Variants in DNAH1 observed in about 807,000 individuals in gnomAD.
The protein encoded by DNAH1 is axonemal beta dynein heavy chain 1.
DNAH1 carries 327 observed loss-of-function variants against 484.3 expected under a neutral mutation model. The observed-to-expected ratio is 0.68, with a 90% CI of 0.62 to 0.74. DNAH1 has a LOEUF of 0.74. DNAH1 is among the 30% of genes least tolerant of loss of function. The pLI, the probability that DNAH1 is intolerant of heterozygous loss-of-function variation, is 0.00. For missense variants in DNAH1, 5,052 were observed against 5,546.8 expected (o/e 0.91, Z 2.83); for synonymous variants, 2,192 against 2,191.9 (o/e 1.00, Z 0.00).
rs115799675 is a variant in DNAH1, at chr3:52,332,405, G to C, written c.1286+11G>C. ...GCGCAAAGGCCCCTCGTGAGTCCCC[G>C]CTCGGCCTTCCCTATTCTGGGCATC... On this transcript the variant is annotated intron_variant, in intron 8 of 77. Coordinates refer to ENST00000420323, the MANE Select transcript of DNAH1 (RefSeq NM_015512.5). 6.2e-7 allele frequency: 1 copy of C among 1,609,538 alleles called. No homozygotes were observed. The highest frequency in any genetic ancestry group is 8.5e-7 in the Non-Finnish European group (1 of 1,178,698).
At position 52,353,045 on chromosome 3, in the gene DNAH1, G is replaced by A; in HGVS notation, c.3028-58G>A. On this transcript the variant is annotated intron_variant, in intron 18 of 77. Transcript: ENST00000420323. The surrounding 1 kb of genome is among the most constrained non-coding windows in gnomAD (Gnocchi z 5.0). ...GACCTGGCCCAAGAAGGGGCAACAT[G>A]GAGAGAGACTGGGAAGTGTCCCAAG... is the stretch of plus-strand genomic sequence containing the variant. The A allele has an allele frequency of 5.2e-6, 8 of 1,526,662 alleles. No individual in the cohort carries two copies. In the South Asian group the frequency reaches 8.7e-5, roughly 17 times the overall value. The allele number at this position is 1,526,662 out of a possible 1,614,324, so 94.6% of individuals were successfully genotyped here.
rs1704523416 is a variant in DNAH1, at chr3:52,394,349, G to T, written c.10627-116G>T. The T allele has an allele frequency of 3.4e-5, 34 of 992,538 alleles. No homozygotes were observed. The South Asian group carries it at 4.1e-4, about 12-fold the overall frequency. 61.5% of individuals were successfully genotyped at this position (992,538 alleles called of 1,614,324 possible). ...AGACCTGTTTGACTACCATCCCCAA[G>T]GGAGACTCAGTTTCTCCAGGTGAGG... On this transcript the variant is annotated intron_variant, in intron 66 of 77. Coordinates refer to ENST00000420323, the MANE Select transcript of DNAH1 (RefSeq NM_015512.5).
chr3:52,328,863 G>A (rs9845752), intron 6 of DNAH1, among the ~76,000 whole-genome samples: 1,727 of 152,334 alleles, frequency 0.011, 35 homozygotes, highest in African/African-American at 0.039. Context: ...TCCCCACCTG[G>A]TGGGTGGACA....
In DNAH1 at chr3:52,392,436, C is replaced by G. The variant is rs777470388; in HGVS notation, c.10053-28C>G. 4 of 1,604,484 alleles carry G rather than the reference C, an allele frequency of 2.5e-6. No individual in the cohort carries two copies. The Admixed American group carries it at 6.7e-5, about 27-fold the overall frequency. ...GCCCTCCGGGGCCCACCAGGTATTA[C>G]AGACTTGGTGTCCCCTGCCCCCGGC... On this transcript the variant is annotated intron_variant, in intron 63 of 77. Transcript: ENST00000420323.
At chr3:52,382,003 G>A (rs776131647) in intron 49 of DNAH1, among the ~76,000 whole-genome samples, 167 bp downstream of exon 49, 1 of 152,234 alleles carries the variant, frequency 6.6e-6, no homozygotes, top group Non-Finnish European at 1.5e-5. Context: ...GCTCCAGGGA[G>A]AGGCAGCAGC....
chr3:52,331,644 A>AGATGGAG lies in DNAH1; in HGVS notation c.1033+336_1033+342dup, dbSNP rs1246811898. On this transcript the variant is annotated intron_variant, in intron 7 of 77. Transcript: ENST00000420323. ...CTTTTTTTTTTTTTTTTTTTTTTTG[A>AGATGGAG]GATGGAGTCTGGCTCTGTCACCCAG... Among the ~76,000 whole-genome samples, 4 of 77,802 alleles carry AGATGGAG rather than the reference A, an allele frequency of 5.1e-5. No homozygotes were observed. In the Admixed American group the frequency reaches 7.3e-4, roughly 14 times the overall value. 51.0% of individuals were successfully genotyped at this position (77,802 alleles called of 152,430 possible). A position where few individuals can be genotyped will look rare whatever the true frequency, so the allele number is the denominator to read the frequency against.
chr3:52,349,112 G>C (rs773352471), intron 13 of DNAH1, 31 bp downstream of exon 13: 1 of 1,612,712 alleles, frequency 6.2e-7, no homozygotes, highest in Non-Finnish European at 8.5e-7. Context: ...ACGTCGGAGG[G>C]TGTCTGTGTG....
Position 52,392,947 on chromosome 3 carries a change from G to A in DNAH1, c.10396G>A (p.Val3466Met), listed in dbSNP as rs542699983. Residue 3466 changes from valine to methionine, a missense_variant, in exon 65 of 78, where the codon GTG becomes ATG. By Grantham distance (21) the Val-to-Met change is conservative. This residue lies in a region of DNAH1 where 2,929 missense variants were observed against 3,409.4 expected (regional missense o/e 0.86). Transcript: ENST00000420323. ...LFFCVSDLAN[V>M]DPMYQYSLEW... ...CTTCTGTGTGTCCGACCTGGCCAAC[G>A]TGGACCCCATGTACCAGTACTCCCT... The A allele has an allele frequency of 9.3e-6, 15 of 1,613,612 alleles. No individual in the cohort carries two copies. In the African/African-American group the frequency reaches 9.3e-5, roughly 10 times the overall value.
chr3:52,381,835 A>C lies in DNAH1; in HGVS notation c.7804A>C (p.Met2602Leu), dbSNP rs1461371514. 2 of 1,587,988 alleles carry C rather than the reference A, an allele frequency of 1.3e-6. No homozygotes were observed. The highest frequency in any genetic ancestry group is 8.6e-7 in the Non-Finnish European group (1 of 1,167,524). Residue 2602 changes from methionine (M) to leucine (L), a missense_variant and splice_region_variant, in exon 49 of 78, where the codon ATG becomes CTG. Around this residue, in one of 4 missense-constraint regions of DNAH1, gnomAD observed 2,929 missense variants for 3,409.4 expected, o/e 0.86. Transcript: ENST00000420323. This position sits in a 1 kb window ranked among gnomAD's most constrained non-coding sequence, Gnocchi z 4.1. Reference sequence around the variant, plus strand: ...CTCCCTCACAAGGCTCGCCTCGCACATGTGAGCGCCTCCAGGGCGTGCTGG... The same window carrying C: ...CTCCCTCACAAGGCTCGCCTCGCACCTGTGAGCGCCTCCAGGGCGTGCTGG... ...RSSLTRLASH[M>L]AEYECFQIEL...
chr3:52,332,769 C>T (rs1701602862), intron 8 of DNAH1, among the ~76,000 whole-genome samples: 1 of 152,182 alleles, frequency 6.6e-6, no homozygotes, highest in Non-Finnish European at 1.5e-5. Flanking sequence ...CAAGATGCCC[C>T]TAAGATAACT....
At position 52,358,330 on chromosome 3, in the gene DNAH1, T is replaced by G. The variant is rs1232635392; in HGVS notation, c.4087-228T>G. On this transcript the variant is annotated intron_variant, in intron 24 of 77. Transcript: ENST00000420323. The surrounding 1 kb of genome is among the most constrained non-coding windows in gnomAD (Gnocchi z 4.2). ...ATGCAAGGCAGTCAGCCTCCTTCCC[T>G]AAAGCCTGCTTCATGCCGGGCCTGG... Among the ~76,000 whole-genome samples, 1 of 152,134 alleles carries G rather than the reference T, an allele frequency of 6.6e-6. No individual in the cohort carries two copies. Among genetic ancestry groups the G allele is most frequent in the Non-Finnish European group, 1.5e-5 (1 of 68,022 alleles).
At chr3:52,370,677 A>C (rs1295468845) in intron 40 of DNAH1, 41 bp from the exon 41 acceptor site, 2 of 1,598,430 alleles carry the variant, frequency 1.3e-6, no homozygotes, top group East Asian at 2.3e-5. Context: ...CCTCAGTCCT[A>C]CTGGGCCTCA....
intron 76 of DNAH1, 150 bp from the exon 77 acceptor site, chr3:52,399,395 C>T: frequency 2.2e-6 from 2 of 920,702 alleles, no homozygotes; most frequent in Non-Finnish European, 3.3e-6. Context: ...GGGCAGGGCA[C>T]AGACCACAGG....
Position 52,396,490 on chromosome 3 carries a change from G to C in DNAH1, c.11382G>C (p.Leu3794=), listed in dbSNP as rs1188949979. The part of the protein sequence containing the change: ...EPPRGVRANL[L]KSYSSLGEDF... The stretch of plus-strand genomic sequence containing the variant: ...CACGCGGTGTCAGGGCCAACCTGCT[G>C]AAGTCCTATAGTAGCCTTGGTGAAG... The change falls in exon 71 of 78, where the codon CTG becomes CTC. Residue 3794 remains leucine (L), a synonymous_variant. Coordinates refer to ENST00000420323, the MANE Select transcript of DNAH1 (RefSeq NM_015512.5). The C allele has an allele frequency of 1.2e-6, 2 of 1,608,624 alleles. No homozygotes were observed. Among genetic ancestry groups the C allele is most frequent in the Admixed American group, 3.4e-5 (2 of 59,216 alleles).
At chr3:52,373,724 T>C (rs1703459358) in intron 44 of DNAH1, 1 of 1,383,312 alleles carries the variant, frequency 7.2e-7, no homozygotes, top group Non-Finnish European at 1.0e-6. Context: ...TTTTTGACTT[T>C]GTTTCTGATC....
chr3:52,338,335 C>T (rs995777153), intron 8 of DNAH1, among the ~76,000 whole-genome samples: 7 of 152,294 alleles, frequency 4.6e-5, no homozygotes, highest in Non-Finnish European at 1.0e-4. Flanking sequence ...TTTCGAACTC[C>T]TGACCTCAAA....
chr3:52,329,172 A>C (rs1701453613), intron 6 of DNAH1, among the ~76,000 whole-genome samples: 3 of 152,282 alleles, frequency 2.0e-5, no homozygotes, highest in African/African-American at 7.2e-5. Context: ...TAAATGCACC[A>C]AGTAGCAGCC....
rs891103217 is a variant in DNAH1 at position 52,344,572 on chromosome 3, G to A, written c.1369G>A (p.Val457Ile). 8 of 1,613,880 alleles carry A rather than the reference G, an allele frequency of 5.0e-6. No individual in the cohort carries two copies. Among genetic ancestry groups the A allele is most frequent in the African/African-American group, 1.3e-5 (1 of 74,932 alleles). The change falls in exon 9 of 78, where the codon GTT (valine) becomes ATT (isoleucine). Residue 457 changes from valine (V) to isoleucine (I), a missense_variant. Val to Ile is a conservative substitution (Grantham distance 29, BLOSUM62 3). Coordinates refer to ENST00000420323, the MANE Select transcript of DNAH1 (RefSeq NM_015512.5). ...RSMNKINFDH[V>I]VSSKPETFSY... ...CATGAACAAGATCAACTTTGACCACGTTGTCTCTTCCAAGCCCGAGACCTT... is the reference window on the plus strand; with the variant it reads ...CATGAACAAGATCAACTTTGACCACATTGTCTCTTCCAAGCCCGAGACCTT...
At chr3:52,349,869 ATGT>A (rs1304804458) in intron 14 of DNAH1, 117 bp from the exon 15 acceptor site, 1 of 1,398,652 alleles carries the variant, frequency 7.1e-7, no homozygotes, top group African/African-American at 1.4e-5. Flanking sequence ...GCGCCGCAGG[ATGT>A]TGTGGTGGAG....
Sources: gnomAD v4.1 joint callset for allele counts (sites outside exome capture counted in the v4.1 genomes callset) on GRCh38, gnomAD v4.1.1 for gene constraint, gnomAD v4.1.1 regional missense constraint, Gnocchi (gnomAD v3.1) non-coding constraint, MANE v1.5 for transcripts, NCBI Gene and HGNC (gene_info 2026-07-23, HGNC 2026-07-21) for gene names.